The following ATF7 variants were observed in gnomAD, a reference collection of about 807,000 sequenced individuals.
ATF7 encodes cyclic AMP-dependent transcription factor ATF-7.
In ATF7, 10 loss-of-function variants were observed where a neutral mutation model predicts 50.4. The observed-to-expected ratio is 0.20, with a 90% CI of 0.12 to 0.34. ATF7 has a LOEUF of 0.34. ATF7 is among the 10% of genes least tolerant of loss of function. The pLI is 1.00. For synonymous variants in ATF7, 201 were observed against 226.4 expected, an observed-to-expected ratio of 0.89 and a Z score of 1.01; for missense variants, 465 against 613.9, an observed-to-expected ratio of 0.76 and a Z score of 2.56.
downstream of ATF7, among the ~76,000 whole-genome samples, chr12:53,511,457 C>A: frequency 6.6e-6 from 1 of 152,124 alleles, no homozygotes; most frequent in Non-Finnish European, 1.5e-5. Flanking sequence ...TCCATGTTGG[C>A]CAGGCTGGTC....
chr12:53,533,289 AAC>A (rs1459410152), intron 6 of ATF7, 30 bp from the exon 7 acceptor site: 4 of 1,529,510 alleles, frequency 2.6e-6, no homozygotes, highest in East Asian at 2.2e-5. Context: ...AAATGCTCAT[AAC>A]ACAGACCTTT....
In ATF7 at chr12:53,532,543, G is replaced by C. The variant is rs750230653; in HGVS notation, c.741C>G (p.Pro247=). ...PPVNSSGSIS[P]SGHPIPSEAK... Reference sequence around the variant, plus strand: ...CTTCTGATGGTATAGGGTGGCCAGAGGGAGAAATGGAGCCACTACTGTTAA... The same window carrying C: ...CTTCTGATGGTATAGGGTGGCCAGACGGAGAAATGGAGCCACTACTGTTAA... The change falls in exon 8 of 12, where the codon CCC becomes CCG. Residue 247 remains proline, a synonymous_variant. Coordinates refer to ENST00000420353, the MANE Select transcript of ATF7 (RefSeq NM_006856.3). 17 of 1,606,164 alleles carry C rather than the reference G, an allele frequency of 1.1e-5. No individual in the cohort carries two copies. The highest frequency in any genetic ancestry group is 1.4e-5 in the Non-Finnish European group (16 of 1,176,542).
intron 2 of ATF7, among the ~76,000 whole-genome samples, chr12:53,576,254 CA>C (rs1307582901): frequency 6.6e-6 from 1 of 152,176 alleles, no homozygotes; most frequent in African/African-American, 2.4e-5. Flanking sequence ...CTGAGAGCCT[CA>C]CCAACCTCCT....
In ATF7 at chr12:53,523,292, C is replaced by G; in HGVS notation, c.1218G>C (p.Lys406Asn). The G allele has an allele frequency of 6.2e-7, 1 of 1,613,092 alleles. No individual in the cohort carries two copies. The highest frequency in any genetic ancestry group is 8.5e-7 in the Non-Finnish European group (1 of 1,179,170). ...GCCACTCACCTAAATAGCCTTGAGT[C>G]TTTTTCTGTAGTGCAGTGACTGGGC... ...KDCPVTALQK[K>N]TQGYLESPKE... Residue 406 changes from lysine (K) to asparagine (N), a missense_variant, in exon 11 of 12, where the codon AAG becomes AAC. Lys to Asn is a moderately conservative substitution (Grantham distance 94). Transcript: ENST00000420353.
intron 2 of ATF7, among the ~76,000 whole-genome samples, chr12:53,558,515 A>G (rs910925349): frequency 4.6e-5 from 7 of 152,246 alleles, no homozygotes; most frequent in Non-Finnish European, 5.9e-5. Context: ...CTCATTTTAT[A>G]AAATGGCTGA....
At chr12:53,566,592 C>T (rs1941456808) in intron 2 of ATF7, among the ~76,000 whole-genome samples, 1 of 152,116 alleles carries the variant, frequency 6.6e-6, no homozygotes, top group Non-Finnish European at 1.5e-5. Flanking sequence ...CTTTCCCATC[C>T]TCTGATAGTG....
At chr12:53,531,420 C>T (rs978846044) in intron 9 of ATF7, among the ~76,000 whole-genome samples, 4 of 139,546 alleles carry the variant, frequency 2.9e-5, no homozygotes, top group South Asian at 4.8e-4. Context: ...GAAACTCCAT[C>T]TCAAAAAAAA....
downstream of ATF7, among the ~76,000 whole-genome samples, chr12:53,508,642 A>G (rs1486065464): frequency 6.6e-6 from 1 of 151,952 alleles, no homozygotes; most frequent in African/African-American, 2.4e-5. Context: ...ATCTTTGCAG[A>G]CAGACCCCCA....
At chr12:53,614,315 G>A (rs1201542663) in intron 1 of ATF7, among the ~76,000 whole-genome samples, 2 of 152,158 alleles carry the variant, frequency 1.3e-5, no homozygotes, top group East Asian at 3.8e-4. Context: ...TGGCCTCAGT[G>A]TGCATTTTAG....
intron 2 of ATF7, among the ~76,000 whole-genome samples, chr12:53,592,976 C>G (rs1196159524): frequency 6.6e-6 from 1 of 152,086 alleles, no homozygotes; most frequent in Non-Finnish European, 1.5e-5. Flanking sequence ...TGACATTTAA[C>G]CAAATGTCGA....
chr12:53,587,843 A>ATATTTT, intron 2 of ATF7, among the ~76,000 whole-genome samples: 17 of 61,560 alleles, frequency 2.8e-4, no homozygotes, highest in South Asian at 1.5e-3. Flanking sequence ...ATATATATAT[A>ATATTTT]TTTTTTTTTT....
At chr12:53,532,936 T>G (rs889705297) in intron 7 of ATF7, among the ~76,000 whole-genome samples, 1 of 152,168 alleles carries the variant, frequency 6.6e-6, no homozygotes, top group Non-Finnish European at 1.5e-5. Flanking sequence ...GCTGGCAAGA[T>G]CAATTCCTAG....
At chr12:53,614,945 T>C (rs1000312708) in intron 1 of ATF7, among the ~76,000 whole-genome samples, 2 of 152,078 alleles carry the variant, frequency 1.3e-5, no homozygotes, top group Non-Finnish European at 2.9e-5. Flanking sequence ...CCAGGCATGG[T>C]GGCAGATGCC....
At chr12:53,622,028 C>T (rs1347629024) in intron 1 of ATF7, among the ~76,000 whole-genome samples, 4 of 152,062 alleles carry the variant, frequency 2.6e-5, no homozygotes, top group Non-Finnish European at 5.9e-5. Flanking sequence ...GGGCTGGGCT[C>T]AGTGGCTCAT....
At chr12:53,526,780 G>A (rs1938496463) in intron 9 of ATF7, among the ~76,000 whole-genome samples, 1 of 152,208 alleles carries the variant, frequency 6.6e-6, no homozygotes. Context: ...GAACCTGGCA[G>A]GGGGAGGTTG....
chr12:53,521,024 C>G (rs1017342948), intron 11 of ATF7, among the ~76,000 whole-genome samples: 2 of 151,326 alleles, frequency 1.3e-5, no homozygotes, highest in Non-Finnish European at 2.9e-5. Flanking sequence ...CGGAATTTCC[C>G]TCTTGTTGCC....
intron 2 of ATF7, among the ~76,000 whole-genome samples, chr12:53,589,067 A>G (rs1942841650): frequency 6.6e-6 from 1 of 152,152 alleles, no homozygotes. Flanking sequence ...TGGACCATTT[A>G]CCAAAAAAAC....
chr12:53,566,740 GT>G (rs150167058), intron 2 of ATF7, among the ~76,000 whole-genome samples: 11 of 151,492 alleles, frequency 7.3e-5, no homozygotes, highest in East Asian at 1.9e-4. Flanking sequence ...TGTTGACACA[GT>G]TTTTTTTTGT....
chr12:53,537,225 C>G (rs548230397), intron 5 of ATF7, among the ~76,000 whole-genome samples, 190 bp downstream of exon 5: 116 of 152,174 alleles, frequency 7.6e-4, no homozygotes, highest in Non-Finnish European at 1.4e-3. Flanking sequence ...TGCTCCACCA[C>G]GCCCAGGTAA....
Sources: gnomAD v4.1 joint callset for allele counts (sites outside exome capture counted in the v4.1 genomes callset) on GRCh38, gnomAD v4.1.1 for gene constraint, MANE v1.5 for transcripts, NCBI Gene and HGNC (gene_info 2026-07-23, HGNC 2026-07-21) for gene names.